SMARCA2: variants seen among roughly 807,000 people sequenced by gnomAD.
The protein encoded by SMARCA2 is SWI/SNF related BAF chromatin remodeling complex subunit ATPase 2, also known as SWI/SNF-related matrix-associated actin-dependent regulator of chromatin subfamily A member 2.
SMARCA2 carries 61 observed loss-of-function variants against 199.8 expected under a neutral mutation model. The observed-to-expected ratio is 0.31, with a 90% confidence interval of 0.25 to 0.38. The LOEUF (loss-of-function observed/expected upper bound fraction) is 0.38. Ranked by LOEUF, SMARCA2 falls within the 10% of genes least tolerant of loss-of-function variation. The pLI is 1.00. For synonymous variants in SMARCA2, 935 were observed against 732.0 expected, an observed-to-expected ratio of 1.28 and a Z score of -4.48; for missense variants, 1,344 against 2,012.2, an observed-to-expected ratio of 0.67 and a Z score of 6.35.
intron 27 of SMARCA2, among the ~76,000 whole-genome samples, chr9:2,138,147 G>A (rs1384221837): frequency 6.6e-6 from 1 of 151,256 alleles, no homozygotes; most frequent in Non-Finnish European, 1.5e-5. Flanking sequence ...TCTAGCTTGA[G>A]CCTTCTAATT....
At chr9:2,040,578 A>C (rs1819561397) in intron 4 of SMARCA2, 2 of 152,398 alleles carry the variant, frequency 1.3e-5, no homozygotes, top group Non-Finnish European at 2.9e-5. Context: ...GTTTCTCAGA[A>C]AAAGCCATTT....
chr9:2,053,432 G>A (rs770953652), intron 5 of SMARCA2, among the ~76,000 whole-genome samples: 1 of 152,150 alleles, frequency 6.6e-6, no homozygotes, highest in Non-Finnish European at 1.5e-5. Context: ...AGTGGTTTTG[G>A]TATCAGGCAA....
At position 2,119,371 on chromosome 9, in the gene SMARCA2, C is replaced by T; in HGVS notation, c.3685-87C>T. ...TTCTTTCTGCCTTGAGAAATGGGAC[C>T]CCTCTGGTCTGGAGGACAGATCACT... On this transcript the variant is annotated intron_variant, in intron 25 of 33. Transcript: ENST00000349721. The surrounding 1 kb of genome is among the most constrained non-coding windows in gnomAD (Gnocchi z 4.6). 1 of 800,772 alleles carries T rather than the reference C, an allele frequency of 1.2e-6. No homozygotes were observed. The highest frequency in any genetic ancestry group is 2.5e-5 in the East Asian group (1 of 39,502). The allele number at this position is 800,772 out of a possible 1,614,324, so 49.6% of individuals were successfully genotyped here. A position where few individuals can be genotyped will look rare whatever the true frequency, so the allele number is the denominator to read the frequency against.
intron 33 of SMARCA2, 167 bp downstream of exon 33, chr9:2,191,575 T>C: frequency 1.4e-6 from 1 of 700,530 alleles, no homozygotes; most frequent in Non-Finnish European, 2.4e-6. Context: ...CTGTATGATT[T>C]AGAACAAAGG....
intron 27 of SMARCA2, among the ~76,000 whole-genome samples, chr9:2,154,395 C>A (rs2130729552): frequency 6.6e-6 from 1 of 152,310 alleles, no homozygotes; most frequent in Middle Eastern, 3.4e-3. Flanking sequence ...CCTCAAACTA[C>A]TATGCTTTTG....
intron 21 of SMARCA2, among the ~76,000 whole-genome samples, chr9:2,100,809 C>T (rs1484005602): frequency 6.6e-6 from 1 of 151,890 alleles, no homozygotes; most frequent in Non-Finnish European, 1.5e-5. Flanking sequence ...TGTATTAGTC[C>T]AGTTTGATGC....
intron 10 of SMARCA2, among the ~76,000 whole-genome samples, chr9:2,070,964 A>C (rs1821062133): frequency 6.6e-6 from 1 of 152,218 alleles, no homozygotes; most frequent in Non-Finnish European, 1.5e-5. Context: ...GCCTAGTCCT[A>C]AAATTCATTT....
chr9:2,083,304 T>G (rs1359618158), intron 15 of SMARCA2, 43 bp from the exon 16 acceptor site: 2 of 1,325,168 alleles, frequency 1.5e-6, no homozygotes, highest in Non-Finnish European at 2.1e-6. Context: ...TTGATTTTTA[T>G]ACAAATGTCT....
At chr9:2,182,090 G>A in intron 30 of SMARCA2, 51 bp from the exon 31 acceptor site, 2 of 1,175,738 alleles carry the variant, frequency 1.7e-6, no homozygotes, top group Non-Finnish European at 2.6e-6. Context: ...AATGATCGCT[G>A]AATTTTCCTC....
intron 19 of SMARCA2, among the ~76,000 whole-genome samples, chr9:2,089,026 G>A (rs572739638): frequency 1.1e-4 from 16 of 152,144 alleles, no homozygotes; most frequent in African/African-American, 3.6e-4. Context: ...AGGTTTTCTA[G>A]AAATTTATTT....
intron 2 of SMARCA2, 137 bp from the exon 3 acceptor site, chr9:2,032,815 T>C: frequency 3.0e-6 from 2 of 656,832 alleles, no homozygotes; most frequent in Non-Finnish European, 5.0e-6. Flanking sequence ...TTTGGTCTAG[T>C]CTCTTTTTTT....
At chr9:2,032,225 TTTCA>T (rs1173962536) in intron 2 of SMARCA2, among the ~76,000 whole-genome samples, 3 of 152,244 alleles carry the variant, frequency 2.0e-5, no homozygotes, top group African/African-American at 7.2e-5. Flanking sequence ...ACTTTTCCTT[TTTCA>T]AACACATGCT....
chr9:2,108,450 A>G (rs1822854759), intron 23 of SMARCA2, among the ~76,000 whole-genome samples: 1 of 152,238 alleles, frequency 6.6e-6, no homozygotes. Context: ...CGGTTTCATT[A>G]ATCCGTGTGA....
chr9:2,060,737 CA>C, intron 8 of SMARCA2, 78 bp from the exon 9 acceptor site: 1 of 1,373,726 alleles, frequency 7.3e-7, no homozygotes. Flanking sequence ...TGCAGACTGT[CA>C]AGGGGAGGAC....
At chr9:2,157,711 G>A (rs1050114158) in intron 27 of SMARCA2, 1 of 387,204 alleles carries the variant, frequency 2.6e-6, no homozygotes, top group Non-Finnish European at 4.6e-6. Context: ...ACGATGCGCA[G>A]GAGTTGGCTT....
chr9:2,038,596 C>G (rs1471259988), intron 3 of SMARCA2, among the ~76,000 whole-genome samples: 1 of 152,172 alleles, frequency 6.6e-6, no homozygotes, highest in Non-Finnish European at 1.5e-5. Context: ...AAGTTATTTA[C>G]TATATATTCT....
Position 2,097,468 on chromosome 9 carries a change from T to C in SMARCA2, c.3075T>C (p.Ile1025=). The C allele has an allele frequency of 6.3e-7, 1 of 1,593,276 alleles. No homozygotes were observed. The highest frequency in any genetic ancestry group is 1.1e-5 in the South Asian group (1 of 90,616). The stretch of plus-strand genomic sequence containing the variant: ...ACCACCCATATATGTTTCAGCACAT[T>C]GAGGTAAGTCTGTATTGTGTGTTTT... ...ICNHPYMFQH[I]EESFAEHLGY... Residue 1025 remains isoleucine, a synonymous_variant, in exon 21 of 34, where the codon ATT becomes ATC. Transcript: ENST00000349721.
intron 21 of SMARCA2, among the ~76,000 whole-genome samples, chr9:2,098,142 A>T (rs566943559): frequency 2.1e-4 from 32 of 152,300 alleles, no homozygotes; most frequent in African/African-American, 5.8e-4. Flanking sequence ...AGGAGCCACA[A>T]TTGTATTCCC....
chr9:2,072,971 G>T (rs758083952), intron 10 of SMARCA2: 13 of 472,110 alleles, frequency 2.8e-5, no homozygotes, highest in Non-Finnish European at 4.9e-5. Flanking sequence ...CCTTGGTGAT[G>T]TATCTGGTTG....
Sources: allele counts gnomAD v4.1 joint callset (sites outside exome capture counted in the v4.1 genomes callset), GRCh38; gene constraint gnomAD v4.1.1; non-coding constraint Gnocchi (gnomAD v3.1); transcripts MANE v1.5; gene names NCBI Gene and HGNC (gene_info 2026-07-23, HGNC 2026-07-21).